MPP7: variants seen among roughly 807,000 people sequenced by gnomAD.
MPP7 encodes MAGUK p55 scaffold protein 7.
MPP7 carries 60 observed loss-of-function variants against 76.5 expected under a neutral mutation model. The ratio of observed to expected loss-of-function variants is 0.78; its 90% confidence interval spans 0.64 to 0.97. The LOEUF is 0.97. Among genes scored for constraint, MPP7 ranks in the 50% least tolerant of loss-of-function variants. The pLI is 0.00. For missense variants in MPP7, 641 were observed against 694.0 expected, an observed-to-expected ratio of 0.92 and a Z score of 0.86; for synonymous variants, 237 against 244.5, an observed-to-expected ratio of 0.97 and a Z score of 0.29.
At chr10:28,321,689 A>G (rs1482745393) in intron 2 of MPP7, among the ~76,000 whole-genome samples, 1 of 152,070 alleles carries the variant, frequency 6.6e-6, no homozygotes, top group Non-Finnish European at 1.5e-5. Flanking sequence ...TGTTCAAGCA[A>G]TTCTCCTGCC....
intron 2 of MPP7, among the ~76,000 whole-genome samples, chr10:28,218,438 A>C (rs114548188): frequency 2.6e-5 from 4 of 152,216 alleles, no homozygotes; most frequent in African/African-American, 7.2e-5. Context: ...TATCAGCTCC[A>C]TGTTTAGTCT....
At chr10:28,185,805 T>C (rs1837217472) in intron 3 of MPP7, among the ~76,000 whole-genome samples, 2 of 152,210 alleles carry the variant, frequency 1.3e-5, no homozygotes, top group South Asian at 4.1e-4. Flanking sequence ...TGGTGGTGAA[T>C]AGGCCTCCAA....
At chr10:28,078,923 T>A (rs1208806755) in intron 12 of MPP7, among the ~76,000 whole-genome samples, 1 of 152,202 alleles carries the variant, frequency 6.6e-6, no homozygotes, top group Non-Finnish European at 1.5e-5. Context: ...ATTTTAAATT[T>A]AAGAAAACAG....
chr10:28,156,244 G>C (rs934295048), intron 3 of MPP7, among the ~76,000 whole-genome samples: 1 of 152,090 alleles, frequency 6.6e-6, no homozygotes, highest in Non-Finnish European at 1.5e-5. Context: ...ATTAACTAGG[G>C]TTACTGTGAG....
At chr10:28,136,688 TAGATATGG>T (rs1340619857) in intron 5 of MPP7, among the ~76,000 whole-genome samples, 1 of 152,014 alleles carries the variant, frequency 6.6e-6, no homozygotes. Context: ...ATCAAACTTC[TAGATATGG>T]AAAGTATGAA....
At chr10:28,142,240 T>C (rs1240406309) in intron 5 of MPP7, among the ~76,000 whole-genome samples, 1 of 152,124 alleles carries the variant, frequency 6.6e-6, no homozygotes, top group Non-Finnish European at 1.5e-5. Flanking sequence ...TAAAGAAAAA[T>C]AACTAAGGAG....
At chr10:28,173,819 T>C (rs1836768126) in intron 3 of MPP7, among the ~76,000 whole-genome samples, 1 of 152,092 alleles carries the variant, frequency 6.6e-6, no homozygotes, top group Non-Finnish European at 1.5e-5. Context: ...CCTAACTAAA[T>C]AGAAAGAGTC....
intron 1 of MPP7, among the ~76,000 whole-genome samples, chr10:28,272,326 A>G (rs533143266): frequency 6.6e-6 from 1 of 152,238 alleles, no homozygotes; most frequent in African/African-American, 2.4e-5. Flanking sequence ...GGTGTGTCCA[A>G]TTTGTGAAAA....
intron 3 of MPP7, among the ~76,000 whole-genome samples, chr10:28,166,323 CCT>C (rs1376600591): frequency 6.6e-6 from 1 of 151,840 alleles, no homozygotes; most frequent in Non-Finnish European, 1.5e-5. Context: ...TACATCTAAC[CCT>C]GTGTGCCCCT....
At chr10:28,198,714 T>G (rs2133973521) in intron 3 of MPP7, among the ~76,000 whole-genome samples, 1 of 149,186 alleles carries the variant, frequency 6.7e-6, no homozygotes, top group South Asian at 2.1e-4. Flanking sequence ...AAATGTAAAA[T>G]AAGTAAAGAG....
At chr10:28,260,335 T>C (rs1451365941) in intron 1 of MPP7, among the ~76,000 whole-genome samples, 1 of 152,194 alleles carries the variant, frequency 6.6e-6, no homozygotes, top group Non-Finnish European at 1.5e-5. Context: ...TATGTATGCA[T>C]TAGTTAATGA....
chr10:28,298,477 C>G (rs181126564), intron 1 of MPP7, among the ~76,000 whole-genome samples: 1 of 152,300 alleles, frequency 6.6e-6, no homozygotes, highest in East Asian at 1.9e-4. Context: ...AGCAGTGGGT[C>G]TCGACAGTGA....
chr10:28,170,090 C>T (rs959421501), intron 3 of MPP7, among the ~76,000 whole-genome samples: 3 of 151,976 alleles, frequency 2.0e-5, no homozygotes, highest in African/African-American at 7.3e-5. Context: ...CCTTTTCCTC[C>T]CATCCTATTA....
intron 3 of MPP7, among the ~76,000 whole-genome samples, chr10:28,171,128 T>A (rs1030717695): frequency 6.6e-6 from 1 of 152,204 alleles, no homozygotes; most frequent in Non-Finnish European, 1.5e-5. Context: ...ATGTGCCCTG[T>A]CAGCATCGAG....
rs1564672479 is a variant in MPP7 at position 28,167,334 on chromosome 10, CAAACAAACA to C, written c.157-17284_157-17276del. On this transcript the variant is annotated intron_variant, in intron 3 of 16. Coordinates refer to ENST00000683449, the MANE Select transcript of MPP7 (RefSeq NM_001318170.2). ...TCAAAAAAACAAACAAACAAACAAA[CAAACAAACA>C]AAACACTCAAAAGAACTCTGCTACT... Among the ~76,000 whole-genome samples, 7 of 151,164 alleles carry C rather than the reference CAAACAAACA, an allele frequency of 4.6e-5. No individual in the cohort carries two copies. The East Asian group carries it at 7.9e-4, about 17-fold the overall frequency.
chr10:28,078,242 C>T (rs1372425642), intron 12 of MPP7, among the ~76,000 whole-genome samples: 3 of 152,204 alleles, frequency 2.0e-5, no homozygotes, highest in Admixed American at 6.5e-5. Context: ...ATCCATACTT[C>T]GTGATGACTA....
chr10:28,183,419 T>G (rs1166706635), intron 3 of MPP7, among the ~76,000 whole-genome samples: 2 of 152,328 alleles, frequency 1.3e-5, no homozygotes, highest in East Asian at 1.9e-4. Context: ...TTTTTAAAGA[T>G]TTCTAATCAC....
rs1367380154 is a variant in MPP7, at chr10:28,327,286, G to A, written c.-132+2643C>T. 1.6e-4 allele frequency among the ~76,000 whole-genome samples: 22 copies of A among 141,034 alleles called. No homozygotes were observed. The East Asian group carries it at 2.9e-3, about 19-fold the overall frequency. 92.5% of individuals were successfully genotyped at this position (141,034 alleles called of 152,430 possible). On this transcript the variant is annotated intron_variant, in intron 2 of 11. Coordinates refer to the MPP7 transcript ENST00000441595. The stretch of plus-strand genomic sequence containing the variant: ...TAACTGTGAGAAGTTGTTTTGGAAA[G>A]AGATATTCAAAATGCAAATATTACC...
At chr10:28,313,692 T>A (rs1841302337) in intron 2 of MPP7, among the ~76,000 whole-genome samples, 1 of 151,886 alleles carries the variant, frequency 6.6e-6, no homozygotes, top group African/African-American at 2.4e-5. Flanking sequence ...AACAACCAAA[T>A]AATAACTTTT....
Sources: allele counts gnomAD v4.1 joint callset (sites outside exome capture counted in the v4.1 genomes callset), GRCh38; gene constraint gnomAD v4.1.1; transcripts MANE v1.5; gene names NCBI Gene and HGNC (gene_info 2026-07-23, HGNC 2026-07-21).